The following SPOCK3 variants were observed in gnomAD, a reference collection of about 807,000 sequenced individuals.
SPOCK3 encodes testican-3.
SPOCK3 carries 30 observed loss-of-function variants against 56.6 expected under a neutral mutation model. That is an observed-to-expected ratio of 0.53 (90% CI 0.40 to 0.72). The LOEUF (loss-of-function observed/expected upper bound fraction) is 0.72, where lower values mean the gene tolerates loss of function less well. Ranked by LOEUF, SPOCK3 falls within the 30% of genes least tolerant of loss-of-function variation. The pLI, the probability that SPOCK3 is intolerant of heterozygous loss-of-function variation, is 0.00. For missense variants in SPOCK3, 527 were observed against 530.0 expected (o/e 0.99, Z 0.06); for synonymous variants, 196 against 183.3 (o/e 1.07, Z -0.56).
chr4:166,739,244 A>G (rs1579075355), intron 9 of SPOCK3, among the ~76,000 whole-genome samples: 1 of 151,654 alleles, frequency 6.6e-6, no homozygotes, highest in Admixed American at 6.6e-5. Flanking sequence ...TTATTTATTT[A>G]TTTATTTATT....
intron 2 of SPOCK3, among the ~76,000 whole-genome samples, chr4:167,098,183 A>G (rs114897952): frequency 0.024 from 3,653 of 152,024 alleles, 65 homozygotes; most frequent in South Asian, 0.046. Context: ...GAATATTCTA[A>G]GTGTTTTTAG....
intron 2 of SPOCK3, among the ~76,000 whole-genome samples, chr4:167,122,350 A>T (rs1761943138): frequency 6.6e-6 from 1 of 152,078 alleles, no homozygotes. Context: ...GGGTTTTGCC[A>T]TGTTGCCCAA....
chr4:167,037,745 T>A (rs1289109659), intron 3 of SPOCK3, among the ~76,000 whole-genome samples: 1 of 152,170 alleles, frequency 6.6e-6, no homozygotes, highest in South Asian at 2.1e-4. Context: ...CTAACTTAAG[T>A]GGAGGTGGCT....
At chr4:166,967,953 A>G (rs1393604754) in intron 4 of SPOCK3, among the ~76,000 whole-genome samples, 3 of 152,166 alleles carry the variant, frequency 2.0e-5, no homozygotes, top group Non-Finnish European at 4.4e-5. Flanking sequence ...GATGGAGATG[A>G]GGGACTTATT....
At chr4:166,847,647 T>TATATATATATATA (rs1748203803) in intron 6 of SPOCK3, among the ~76,000 whole-genome samples, 9 of 55,408 alleles carry the variant, frequency 1.6e-4, no homozygotes, top group South Asian at 1.1e-3. Flanking sequence ...AAATCCTAGT[T>TATATATATATATA]TATATATATA....
At chr4:166,740,044 T>C (rs1734671486) in intron 9 of SPOCK3, among the ~76,000 whole-genome samples, 1 of 152,146 alleles carries the variant, frequency 6.6e-6, no homozygotes, top group Non-Finnish European at 1.5e-5. Flanking sequence ...CATAAACATG[T>C]TATGATGTAT....
chr4:166,805,453 T>C (rs1387326664), intron 6 of SPOCK3, among the ~76,000 whole-genome samples: 1 of 152,062 alleles, frequency 6.6e-6, no homozygotes, highest in Non-Finnish European at 1.5e-5. Context: ...AATAGTCTGA[T>C]ACGATTTGAT....
intron 2 of SPOCK3, among the ~76,000 whole-genome samples, chr4:167,070,664 T>C (rs1360660613): frequency 6.6e-6 from 1 of 151,978 alleles, no homozygotes; most frequent in East Asian, 1.9e-4. Flanking sequence ...TATTCTGAAA[T>C]AGGTTATATA....
intron 2 of SPOCK3, among the ~76,000 whole-genome samples, chr4:167,202,914 A>G (rs1168622845): frequency 6.6e-6 from 1 of 151,884 alleles, no homozygotes; most frequent in Non-Finnish European, 1.5e-5. Context: ...CTCTCCACTT[A>G]AGCATTCTTT....
chr4:167,043,409 G>A (rs1347337105), intron 3 of SPOCK3, among the ~76,000 whole-genome samples: 2 of 151,976 alleles, frequency 1.3e-5, no homozygotes, highest in Non-Finnish European at 2.9e-5. Context: ...AACAAAATCA[G>A]TTTTATTTAT....
intron 2 of SPOCK3, among the ~76,000 whole-genome samples, chr4:167,072,862 C>A (rs1348386791): frequency 6.6e-6 from 1 of 151,850 alleles, no homozygotes; most frequent in African/African-American, 2.4e-5. Flanking sequence ...ATCTATTCCA[C>A]ATTTTCATGA....
chr4:167,082,547 C>T (rs568302750), intron 2 of SPOCK3, among the ~76,000 whole-genome samples: 1 of 151,990 alleles, frequency 6.6e-6, no homozygotes, highest in Non-Finnish European at 1.5e-5. Flanking sequence ...TACTCAAGGA[C>T]ATACGAGCAG....
chr4:167,072,179 C>T (rs1419080405), intron 2 of SPOCK3, among the ~76,000 whole-genome samples: 1 of 152,016 alleles, frequency 6.6e-6, no homozygotes, highest in Non-Finnish European at 1.5e-5. Flanking sequence ...GTTTACACAA[C>T]TATTTAGAAG....
At chr4:167,012,310 A>AG (rs1459962236) in intron 3 of SPOCK3, among the ~76,000 whole-genome samples, 1 of 151,964 alleles carries the variant, frequency 6.6e-6, no homozygotes, top group African/African-American at 2.4e-5. Context: ...TGAGCTGGAA[A>AG]AAAAAGTTGT....
chr4:167,058,680 C>A (rs1001913680), intron 3 of SPOCK3, among the ~76,000 whole-genome samples: 1 of 152,112 alleles, frequency 6.6e-6, no homozygotes, highest in African/African-American at 2.4e-5. Flanking sequence ...CAAAAAAGAG[C>A]CCGCATCGCC....
intron 3 of SPOCK3, among the ~76,000 whole-genome samples, chr4:167,041,184 C>A (rs1248746927): frequency 6.6e-6 from 1 of 152,154 alleles, no homozygotes; most frequent in Admixed American, 6.6e-5. Flanking sequence ...ATATCACTGT[C>A]TCTCCTCTTT....
intron 6 of SPOCK3, among the ~76,000 whole-genome samples, chr4:166,885,187 T>C (rs552234373): frequency 1.3e-5 from 2 of 151,150 alleles, no homozygotes; most frequent in East Asian, 1.9e-4. Context: ...GTGAATTTCA[T>C]CTCAGCAATA....
In SPOCK3 at chr4:166,738,413, ATTTTTTATTTAT is replaced by A. The variant is rs1176072472; in HGVS notation, c.995-821_995-810del. Among the ~76,000 whole-genome samples the A allele has an allele frequency of 1.8e-4, 22 of 124,360 alleles. No individual in the cohort carries two copies. In the East Asian group the frequency reaches 3.2e-3, roughly 18 times the overall value. 81.6% of individuals were successfully genotyped at this position (124,360 alleles called of 152,430 possible). ...GGAATAGTAGAACAGATAGATAAATATTTTTTATTTATTTATTTATTTATTTATTTAATTTTA... is the reference window on the plus strand; with the variant it reads ...GGAATAGTAGAACAGATAGATAAATATTATTTATTTATTTATTTAATTTTA... On this transcript the variant is annotated intron_variant, in intron 9 of 10. Coordinates refer to ENST00000357545, the MANE Select transcript of SPOCK3 (RefSeq NM_001040159.2).
chr4:167,102,407 G>T (rs1164223247), intron 2 of SPOCK3: 1 of 152,110 alleles, frequency 6.6e-6, no homozygotes, highest in Non-Finnish European at 1.5e-5. Flanking sequence ...ACCTTCATAA[G>T]AACCAAAAAT....
Sources: allele counts gnomAD v4.1 joint callset (sites outside exome capture counted in the v4.1 genomes callset), GRCh38; gene constraint gnomAD v4.1.1; transcripts MANE v1.5; gene names NCBI Gene and HGNC (gene_info 2026-07-23, HGNC 2026-07-21).